Variants in DMRT1 observed in about 807,000 individuals in gnomAD.
DMRT1 encodes the protein doublesex and mab-3 related transcription factor 1.
In DMRT1, 7 loss-of-function variants were observed where a neutral mutation model predicts 32.3. That is an observed-to-expected ratio of 0.22 (90% CI 0.12 to 0.41). The LOEUF (loss-of-function observed/expected upper bound fraction) is 0.41, where lower values mean the gene tolerates loss of function less well. Ranked by LOEUF, DMRT1 falls within the 10% of genes least tolerant of loss-of-function variation. The pLI is 1.00. For synonymous variants in DMRT1, 278 were observed against 206.1 expected, an observed-to-expected ratio of 1.35 and a Z score of -2.99; for missense variants, 625 against 500.5, an observed-to-expected ratio of 1.25 and a Z score of -2.37.
chr9:928,155 A>C (rs1481506049), intron 4 of DMRT1, among the ~76,000 whole-genome samples: 1 of 152,210 alleles, frequency 6.6e-6, no homozygotes, highest in East Asian at 1.9e-4. Flanking sequence ...GAGCACACTG[A>C]ATTTATTGCA....
intron 4 of DMRT1, among the ~76,000 whole-genome samples, chr9:963,134 G>T (rs73382417): frequency 0.041 from 6,240 of 152,238 alleles, 437 homozygotes; most frequent in African/African-American, 0.14. Flanking sequence ...TGTGATAGTT[G>T]TATCAACGAG....
At chr9:865,725 CA>C (rs1308424934) in intron 2 of DMRT1, among the ~76,000 whole-genome samples, 1 of 152,218 alleles carries the variant, frequency 6.6e-6, no homozygotes, top group Non-Finnish European at 1.5e-5. Context: ...ATCTCAGAGA[CA>C]CATCTTAATG....
At chr9:900,014 G>A (rs1017458322) in intron 3 of DMRT1, among the ~76,000 whole-genome samples, 2 of 152,208 alleles carry the variant, frequency 1.3e-5, no homozygotes, top group African/African-American at 2.4e-5. Context: ...AAGGCACCTC[G>A]AAGGAATGCA....
chr9:866,450 C>T (rs10815919), intron 2 of DMRT1, among the ~76,000 whole-genome samples: 43,759 of 152,018 alleles, frequency 0.29, 7,765 homozygotes, highest in Non-Finnish European at 0.39. Flanking sequence ...TGATCCATTG[C>T]AAAAGGGACT....
rs568712060 is a variant in DMRT1, at chr9:968,220, T to G, written c.*81T>G. On this transcript the variant is annotated 3_prime_UTR_variant, in exon 5 of 5. Coordinates refer to ENST00000382276, the MANE Select transcript of DMRT1 (RefSeq NM_021951.3). Reference sequence around the variant, plus strand: ...CATGGGGTTTGTTAATATTTTGCATTGACTCATACTATCTTAACTGTTGAG... The same window carrying G: ...CATGGGGTTTGTTAATATTTTGCATGGACTCATACTATCTTAACTGTTGAG... 23 of 1,519,000 alleles carry G rather than the reference T, an allele frequency of 1.5e-5. No homozygotes were observed. The highest frequency in any genetic ancestry group is 2.1e-5 in the Non-Finnish European group (23 of 1,109,742). 94.1% of individuals were successfully genotyped at this position (1,519,000 alleles called of 1,614,324 possible). A position where few individuals can be genotyped will look rare whatever the true frequency, so the allele number is the denominator to read the frequency against.
chr9:941,307 G>A (rs1348220878), intron 4 of DMRT1, among the ~76,000 whole-genome samples: 1 of 150,190 alleles, frequency 6.7e-6, no homozygotes, highest in Non-Finnish European at 1.5e-5. Flanking sequence ...GCATGCATGA[G>A]CGTGTGCGCA....
chr9:933,994 C>G (rs1460801156), intron 4 of DMRT1, among the ~76,000 whole-genome samples: 1 of 150,598 alleles, frequency 6.6e-6, no homozygotes, highest in Non-Finnish European at 1.5e-5. Context: ...TTAGTTGATC[C>G]TTGGACCTAA....
At chr9:864,797 C>G (rs1224956283) in intron 2 of DMRT1, among the ~76,000 whole-genome samples, 4 of 152,102 alleles carry the variant, frequency 2.6e-5, no homozygotes, top group Admixed American at 6.6e-5. Flanking sequence ...ACCGTGCCCG[C>G]CAGCCAGTAT....
chr9:883,877 A>G (rs568831172), intron 2 of DMRT1, among the ~76,000 whole-genome samples: 4 of 152,228 alleles, frequency 2.6e-5, no homozygotes, highest in Admixed American at 2.6e-4. Flanking sequence ...GGTGATGGAT[A>G]GTTTTCAGAC....
At chr9:934,448 T>C (rs1818821639) in intron 4 of DMRT1, among the ~76,000 whole-genome samples, 1 of 152,170 alleles carries the variant, frequency 6.6e-6, no homozygotes, top group South Asian at 2.1e-4. Context: ...GGAGGATCAC[T>C]TGAGCCCAGG....
At chr9:950,693 G>T (rs1819400403) in intron 4 of DMRT1, among the ~76,000 whole-genome samples, 1 of 152,144 alleles carries the variant, frequency 6.6e-6, no homozygotes, top group South Asian at 2.1e-4. Flanking sequence ...GCCTTAGGCT[G>T]GTAGATGAGC....
chr9:950,547 G>A (rs989083109), intron 4 of DMRT1, among the ~76,000 whole-genome samples: 17 of 152,230 alleles, frequency 1.1e-4, no homozygotes, highest in African/African-American at 4.1e-4. Context: ...TGTGAAGATG[G>A]TAAAGTATAG....
chr9:930,346 C>T (rs566266094), intron 4 of DMRT1, among the ~76,000 whole-genome samples: 1 of 152,078 alleles, frequency 6.6e-6, no homozygotes, highest in Non-Finnish European at 1.5e-5. Context: ...GATCCTCCTG[C>T]CTCAGCCTCT....
chr9:954,299 A>G lies in DMRT1; in HGVS notation c.968-13686A>G, dbSNP rs59635744. On this transcript the variant is annotated intron_variant, in intron 4 of 4. Transcript: ENST00000382276. ...CGTAACAGCCACCAGGGTAAAGTGAAGCAGAGAGAGAAGGGACCGGATAGG... is the reference window on the plus strand; with the variant it reads ...CGTAACAGCCACCAGGGTAAAGTGAGGCAGAGAGAGAAGGGACCGGATAGG... Among the ~76,000 whole-genome samples the G allele has an allele frequency of 4.8e-3, 733 of 152,208 alleles. 4 individuals carry two copies. The highest frequency in any genetic ancestry group is 0.016 in the African/African-American group (685 of 41,534).
chr9:873,083 C>T (rs1288715259), intron 2 of DMRT1, among the ~76,000 whole-genome samples: 1 of 152,180 alleles, frequency 6.6e-6, no homozygotes, highest in East Asian at 1.9e-4. Context: ...GTCAAGGTGA[C>T]ATCTAAAATT....
At chr9:878,337 C>T (rs913628395) in intron 2 of DMRT1, among the ~76,000 whole-genome samples, 1 of 151,970 alleles carries the variant, frequency 6.6e-6, no homozygotes, top group Non-Finnish European at 1.5e-5. Flanking sequence ...AGGAATGGTG[C>T]ACTCTACTCC....
intron 4 of DMRT1, among the ~76,000 whole-genome samples, chr9:946,412 G>A (rs1730395412): frequency 6.6e-6 from 1 of 152,050 alleles, no homozygotes. Context: ...GGTAAGGGAG[G>A]TGCCCCATCC....
chr9:903,399 C>G (rs1182194878), intron 3 of DMRT1, among the ~76,000 whole-genome samples: 1 of 152,186 alleles, frequency 6.6e-6, no homozygotes, highest in Non-Finnish European at 1.5e-5. Context: ...TAGCTGATGA[C>G]AAGTGATGAT....
chr9:939,609 A>C (rs1818995412), intron 4 of DMRT1, among the ~76,000 whole-genome samples: 1 of 152,184 alleles, frequency 6.6e-6, no homozygotes, highest in Admixed American at 6.5e-5. Flanking sequence ...CTAAGCTACA[A>C]AGAGGGCTTT....
Sources: allele counts gnomAD v4.1 joint callset (sites outside exome capture counted in the v4.1 genomes callset), GRCh38; gene constraint gnomAD v4.1.1; transcripts MANE v1.5; gene names NCBI Gene and HGNC (gene_info 2026-07-23, HGNC 2026-07-21).